MARCHF1: variants seen among roughly 807,000 people sequenced by gnomAD.
MARCHF1 encodes E3 ubiquitin-protein ligase MARCHF1.
A neutral mutation model predicts 54.2 loss-of-function variants in MARCHF1; 40 were observed. The ratio of observed to expected loss-of-function variants is 0.74; its 90% CI spans 0.57 to 0.96. MARCHF1 has a LOEUF of 0.96. Among genes scored for constraint, MARCHF1 ranks in the 40% least tolerant of loss-of-function variants. The pLI is 0.00. For synonymous variants in MARCHF1, 236 were observed against 236.3 expected, an observed-to-expected ratio of 1.00 and a Z score of 0.01; for missense variants, 586 against 656.5, an observed-to-expected ratio of 0.89 and a Z score of 1.17.
intron 4 of MARCHF1, among the ~76,000 whole-genome samples, chr4:163,826,422 T>G (rs1330569350): frequency 6.6e-6 from 1 of 152,056 alleles, no homozygotes; most frequent in Non-Finnish European, 1.5e-5. Context: ...ACTTAAAAAA[T>G]TTTACTTTGG....
chr4:164,070,974 T>A (rs1287832512), intron 2 of MARCHF1, among the ~76,000 whole-genome samples: 1 of 152,320 alleles, frequency 6.6e-6, no homozygotes, highest in Admixed American at 6.5e-5. Context: ...TGCTTTTGCT[T>A]CTTTGTCATT....
At chr4:163,720,748 C>T (rs1238430400) in intron 4 of MARCHF1, among the ~76,000 whole-genome samples, 1 of 152,166 alleles carries the variant, frequency 6.6e-6, no homozygotes, top group African/African-American at 2.4e-5. Context: ...CTTCACATCC[C>T]TTGTAAGTTG....
At chr4:164,030,092 T>A (rs1753846887) in intron 2 of MARCHF1, among the ~76,000 whole-genome samples, 1 of 152,176 alleles carries the variant, frequency 6.6e-6, no homozygotes, top group Non-Finnish European at 1.5e-5. Flanking sequence ...TTAATACATA[T>A]CTGTTAATGT....
intron 4 of MARCHF1, among the ~76,000 whole-genome samples, chr4:163,741,816 G>A (rs887437370): frequency 2.6e-5 from 4 of 152,186 alleles, no homozygotes; most frequent in Admixed American, 2.6e-4. Context: ...TATCTCCAGC[G>A]AAGTCACAGG....
At chr4:164,329,804 T>A (rs1174818649) in intron 1 of MARCHF1, 1 of 152,266 alleles carries the variant, frequency 6.6e-6, no homozygotes, top group Non-Finnish European at 1.5e-5. Flanking sequence ...GAGTGAGAGT[T>A]CACCTAACAC....
At chr4:164,033,801 A>G (rs914495666) in intron 2 of MARCHF1, among the ~76,000 whole-genome samples, 3 of 152,206 alleles carry the variant, frequency 2.0e-5, no homozygotes, top group African/African-American at 4.8e-5. Context: ...GTGGAGAAAT[A>G]GTAACACTTT....
chr4:164,120,471 A>G (rs567187558), intron 1 of MARCHF1, among the ~76,000 whole-genome samples: 1 of 152,250 alleles, frequency 6.6e-6, no homozygotes, highest in East Asian at 1.9e-4. Context: ...AATCTGCACT[A>G]TAGACTAAAT....
intron 6 of MARCHF1, 121 bp downstream of exon 6, chr4:163,613,193 G>A: frequency 7.9e-7 from 1 of 1,273,248 alleles, no homozygotes; most frequent in Non-Finnish European, 1.1e-6. Flanking sequence ...AAAATAGCCA[G>A]TATAAATTTT....
intron 4 of MARCHF1, among the ~76,000 whole-genome samples, chr4:163,763,776 G>C (rs1446213705): frequency 6.6e-6 from 1 of 151,980 alleles, no homozygotes; most frequent in African/African-American, 2.4e-5. Context: ...GGATTATACT[G>C]TCATGTTGGC....
chr4:164,217,639 T>G (rs1553992607), intron 1 of MARCHF1, among the ~76,000 whole-genome samples: 1 of 152,194 alleles, frequency 6.6e-6, no homozygotes, highest in Non-Finnish European at 1.5e-5. Flanking sequence ...CTAGCACTGA[T>G]GGGCTAATCC....
At chr4:164,163,325 C>T (rs967404677) in intron 1 of MARCHF1, among the ~76,000 whole-genome samples, 1 of 151,632 alleles carries the variant, frequency 6.6e-6, no homozygotes, top group African/African-American at 2.4e-5. Context: ...AAGTAAGATA[C>T]AAAATAATTG....
At chr4:164,009,103 T>C (rs958649355) in intron 2 of MARCHF1, among the ~76,000 whole-genome samples, 2 of 151,852 alleles carry the variant, frequency 1.3e-5, no homozygotes, top group African/African-American at 4.8e-5. Flanking sequence ...AAATAAATAA[T>C]ATCAAAAACA....
intron 3 of MARCHF1, among the ~76,000 whole-genome samples, chr4:163,889,906 G>A (rs28503277): frequency 0.03 from 4,177 of 137,646 alleles, 203 homozygotes; most frequent in East Asian, 0.17. Context: ...GTTAAACTTC[G>A]TTTATTTATT....
intron 4 of MARCHF1, among the ~76,000 whole-genome samples, chr4:163,704,381 A>G (rs940926446): frequency 1.3e-4 from 20 of 151,874 alleles, no homozygotes; most frequent in African/African-American, 4.8e-4. Flanking sequence ...ATAAGCAAGG[A>G]CATAGGGAAA....
chr4:164,369,520 A>G (rs1308851958), intron 1 of MARCHF1, among the ~76,000 whole-genome samples: 1 of 152,138 alleles, frequency 6.6e-6, no homozygotes, highest in Non-Finnish European at 1.5e-5. Flanking sequence ...TGCCAACTGC[A>G]TGCTGTATTG....
At chr4:164,283,462 A>G (rs1297213332) in intron 1 of MARCHF1, among the ~76,000 whole-genome samples, 1 of 151,010 alleles carries the variant, frequency 6.6e-6, no homozygotes, top group Non-Finnish European at 1.5e-5. Context: ...GATGCCTGGA[A>G]AAACTGAAAA....
rs562457675 is a variant in MARCHF1 at position 163,997,771 on chromosome 4, A to T, written c.-247-9062T>A. Among the ~76,000 whole-genome samples, 103 of 152,108 alleles carry T rather than the reference A, an allele frequency of 6.8e-4. 3 individuals carry two copies. In the South Asian group the frequency reaches 0.021, roughly 31 times the overall value. On this transcript the variant is annotated intron_variant, in intron 2 of 9. Coordinates refer to ENST00000514618, the MANE Select transcript of MARCHF1 (RefSeq NM_001394959.1). ...CATAAAGCAGAAACACTGAAGAAAA[A>T]GGTAAAGGAGATAATAGTTGTTCAA... is the stretch of plus-strand genomic sequence containing the variant.
chr4:164,377,090 C>T (rs1460721450), intron 1 of MARCHF1, among the ~76,000 whole-genome samples: 1 of 152,066 alleles, frequency 6.6e-6, no homozygotes, highest in East Asian at 1.9e-4. Context: ...TCATTGTGTC[C>T]CAAATAGTCA....
intron 5 of MARCHF1, 55 bp from the exon 6 acceptor site, chr4:163,613,448 T>C: frequency 1.9e-6 from 3 of 1,613,032 alleles, no homozygotes; most frequent in South Asian, 1.1e-5. Context: ...ACATGGTTGA[T>C]ATCTTGCTTT....
Sources: allele counts gnomAD v4.1 joint callset (sites outside exome capture counted in the v4.1 genomes callset), GRCh38; gene constraint gnomAD v4.1.1; transcripts MANE v1.5; gene names NCBI Gene and HGNC (gene_info 2026-07-23, HGNC 2026-07-21).